PRSS12: variants seen among roughly 807,000 people sequenced by gnomAD.
PRSS12 encodes neurotrypsin.
A neutral mutation model predicts 104.4 loss-of-function variants in PRSS12; 85 were observed. The observed-to-expected ratio is 0.81, with a 90% CI of 0.68 to 0.98. The LOEUF (loss-of-function observed/expected upper bound fraction) is 0.98. Among genes scored for constraint, PRSS12 ranks in the 50% least tolerant of loss-of-function variants. PRSS12 has a pLI of 0.00. For missense variants in PRSS12, 1,141 were observed against 1,139.2 expected (o/e 1.00, Z -0.02); for synonymous variants, 454 against 425.2 (o/e 1.07, Z -0.83).
intron 6 of PRSS12, among the ~76,000 whole-genome samples, chr4:118,315,840 T>C (rs1247906582): frequency 6.6e-6 from 1 of 152,208 alleles, no homozygotes; most frequent in South Asian, 2.1e-4. Flanking sequence ...TAGACAATGA[T>C]GTCAAAACTA....
chr4:118,292,969 C>T (rs1026600817), intron 11 of PRSS12, among the ~76,000 whole-genome samples: 5 of 151,816 alleles, frequency 3.3e-5, no homozygotes, highest in Admixed American at 2.6e-4. Flanking sequence ...AAGCCAAGAT[C>T]GTGCCACTAC....
At chr4:118,316,648 C>G (rs1183162253) in intron 5 of PRSS12, among the ~76,000 whole-genome samples, 1 of 151,606 alleles carries the variant, frequency 6.6e-6, no homozygotes, top group Non-Finnish European at 1.5e-5. Context: ...ATGGTGAAAC[C>G]CTGTCTCTAC....
At position 118,335,526 on chromosome 4, in the gene PRSS12, C is replaced by A. The variant is rs201484776; in HGVS notation, c.767G>T (p.Gly256Val). The A allele has an allele frequency of 6.2e-7, 1 of 1,614,000 alleles. No homozygotes were observed. The highest frequency in any genetic ancestry group is 1.7e-5 in the Admixed American group (1 of 59,988). ...ILLCEKDIWQ[G>V]GVCPQKMAAA... Reference sequence around the variant, plus strand: ...TGCCATCTTCTGAGGACACACCCCACCCTGCCAGATGTCTTTTTCACAAAG... The same window carrying A: ...TGCCATCTTCTGAGGACACACCCCAACCTGCCAGATGTCTTTTTCACAAAG... The change falls in exon 3 of 13, where the codon GGT becomes GTT. Residue 256 changes from glycine to valine, a missense_variant. Coordinates refer to ENST00000296498, the MANE Select transcript of PRSS12 (RefSeq NM_003619.4).
intron 10 of PRSS12, among the ~76,000 whole-genome samples, chr4:118,295,321 T>C (rs921386207): frequency 3.3e-5 from 5 of 152,172 alleles, no homozygotes; most frequent in Non-Finnish European, 5.9e-5. Flanking sequence ...TAGAAACAAG[T>C]TGTCTTCTTT....
In PRSS12 at chr4:118,281,136, C is replaced by T. The variant is rs1368772207; in HGVS notation, c.*800G>A. 3.3e-5 allele frequency: 5 copies of T among 152,146 alleles called. No individual in the cohort carries two copies. Among genetic ancestry groups the T allele is most frequent in the Non-Finnish European group, 7.3e-5 (5 of 68,052 alleles). The allele number at this position is 152,146 out of a possible 1,614,324, so 9.4% of individuals were successfully genotyped here. ...GCACTCTTACATCATGGTCGGGGAA[C>T]GTGGACTATGATGAGGTGCTTGTTA... On this transcript the variant is annotated 3_prime_UTR_variant, in exon 13 of 13. Transcript: ENST00000296498.
chr4:118,338,873 T>C (rs1724128669), intron 1 of PRSS12, among the ~76,000 whole-genome samples: 1 of 152,178 alleles, frequency 6.6e-6, no homozygotes, highest in Admixed American at 6.5e-5. Context: ...TAACTTTCAG[T>C]AGTAGTCATT....
intron 4 of PRSS12, among the ~76,000 whole-genome samples, chr4:118,322,159 C>T (rs1371216217): frequency 6.7e-6 from 1 of 148,168 alleles, no homozygotes; most frequent in Non-Finnish European, 1.5e-5. Context: ...AATGATCTTG[C>T]AATAGTAGTG....
chr4:118,297,420 G>A (rs1743278217), intron 9 of PRSS12, among the ~76,000 whole-genome samples: 2 of 151,894 alleles, frequency 1.3e-5, no homozygotes, highest in Non-Finnish European at 2.9e-5. Context: ...AATTATTAAA[G>A]GGAATTCAGT....
At chr4:118,318,283 T>C in intron 5 of PRSS12, 95 bp downstream of exon 5, 1 of 1,194,112 alleles carries the variant, frequency 8.4e-7, no homozygotes, top group Non-Finnish European at 1.2e-6. Flanking sequence ...TGTATGCTCA[T>C]TTGGTAATGT....
intron 4 of PRSS12, among the ~76,000 whole-genome samples, chr4:118,329,806 T>C (rs550758180): frequency 1.3e-5 from 2 of 152,310 alleles, no homozygotes; most frequent in East Asian, 1.9e-4. Context: ...AGATATTCTG[T>C]AGCTTTTCGC....
intron 1 of PRSS12, among the ~76,000 whole-genome samples, chr4:118,344,361 AC>A (rs762693814): frequency 1.3e-5 from 2 of 152,192 alleles, no homozygotes; most frequent in Non-Finnish European, 2.9e-5. Context: ...TTTTTCAAGT[AC>A]AGTAGGGGAT....
At chr4:118,296,687 G>A (rs1317526717) in intron 9 of PRSS12, among the ~76,000 whole-genome samples, 1 of 151,848 alleles carries the variant, frequency 6.6e-6, no homozygotes, top group Non-Finnish European at 1.5e-5. Flanking sequence ...CAACACTAAT[G>A]GTCTCCCATA....
chr4:118,342,527 A>G (rs1724241978), intron 1 of PRSS12, among the ~76,000 whole-genome samples: 2 of 152,206 alleles, frequency 1.3e-5, no homozygotes, highest in Admixed American at 1.3e-4. Flanking sequence ...TATCTTTAAA[A>G]TGCGTTAAGA....
chr4:118,318,662 A>C, intron 4 of PRSS12, 106 bp from the exon 5 acceptor site: 1 of 1,110,892 alleles, frequency 9.0e-7, no homozygotes, highest in Non-Finnish European at 1.3e-6. Flanking sequence ...CCCACTTATT[A>C]ATTCACTTCA....
rs1252262084 is a variant in PRSS12, at chr4:118,282,905, G to C, written c.2246C>G (p.Ala749Gly). The C allele has an allele frequency of 3.1e-6, 5 of 1,614,052 alleles. No homozygotes were observed. The highest frequency in any genetic ancestry group is 3.3e-5 in the Admixed American group (2 of 60,006). Reference protein sequence around the residue: ...CARFSSHVLPACLPLWRERPQ... With the variant: ...CARFSSHVLPGCLPLWRERPQ... ...CCTCTCTCTCCAGAGTGGTAAACAGGCTGGCAAAACATGGCTGCTGAATCT... is the reference window on the plus strand; with the variant it reads ...CCTCTCTCTCCAGAGTGGTAAACAGCCTGGCAAAACATGGCTGCTGAATCT... Residue 749 changes from alanine to glycine, a missense_variant, in exon 12 of 13, where the codon GCC becomes GGC. By Grantham distance (60) the Ala-to-Gly change is moderately conservative. Transcript: ENST00000296498.
intron 8 of PRSS12, 40 bp downstream of exon 8, chr4:118,308,396 G>A (rs1743611154): frequency 1.2e-6 from 2 of 1,612,374 alleles, no homozygotes; most frequent in Non-Finnish European, 8.5e-7. Context: ...ATTCAGATAT[G>A]CTCATCAGTA....
chr4:118,283,218 C>CT (rs1742933622), intron 11 of PRSS12, 107 bp from the exon 12 acceptor site: 1 of 1,396,002 alleles, frequency 7.2e-7, no homozygotes, highest in Non-Finnish European at 1.0e-6. Flanking sequence ...TCATCAGCCC[C>CT]TTTTGTAAAT....
chr4:118,297,817 C>T (rs1743288530), intron 9 of PRSS12, among the ~76,000 whole-genome samples: 1 of 152,078 alleles, frequency 6.6e-6, no homozygotes, highest in African/African-American at 2.4e-5. Context: ...ATAGCTCATT[C>T]TCTCAGTCAT....
Position 118,352,430 on chromosome 4 carries a change from C to A in PRSS12, c.291G>T (p.Glu97Asp). 1 of 1,505,702 alleles carries A rather than the reference C, an allele frequency of 6.6e-7. No homozygotes were observed. The highest frequency in any genetic ancestry group is 8.8e-7 in the Non-Finnish European group (1 of 1,130,910). The allele number at this position is 1,505,702 out of a possible 1,614,324, so 93.3% of individuals were successfully genotyped here. ...CGAAGTCCGTCACGCTGACCCATGG[C>A]TCGCCGGCGGGGCAGCCCCAGGGGT... is the stretch of plus-strand genomic sequence containing the variant. ...RPHPWGCPAG[E>D]PWVSVTDFGA... is the part of the protein sequence containing the mutation. The change falls in exon 1 of 13, where the codon GAG becomes GAT. Residue 97 changes from glutamate (E) to aspartate (D), a missense_variant. By Grantham distance (45) the Glu-to-Asp change is conservative (BLOSUM62 2). Coordinates refer to ENST00000296498, the MANE Select transcript of PRSS12 (RefSeq NM_003619.4).
Sources: gnomAD v4.1 joint callset for allele counts (sites outside exome capture counted in the v4.1 genomes callset) on GRCh38, gnomAD v4.1.1 for gene constraint, MANE v1.5 for transcripts, NCBI Gene and HGNC (gene_info 2026-07-23, HGNC 2026-07-21) for gene names.